The following FAM20C variants were observed in gnomAD, a reference collection of about 807,000 sequenced individuals.
The protein encoded by FAM20C is FAM20C golgi associated secretory pathway kinase, also known as extracellular serine/threonine protein kinase FAM20C.
FAM20C carries 40 observed loss-of-function variants against 51.5 expected under a neutral mutation model. That is an observed-to-expected ratio of 0.78 (90% CI 0.60 to 1.01). FAM20C has a LOEUF of 1.01. Ranked by LOEUF, FAM20C falls within the 50% of genes least tolerant of loss-of-function variation. FAM20C has a pLI of 0.00. For missense variants in FAM20C, 861 were observed against 844.7 expected (o/e 1.02, Z -0.24); for synonymous variants, 406 against 380.6 (o/e 1.07, Z -0.78).
At chr7:228,187 G>T (rs1262438838) in intron 3 of FAM20C, 3 of 326,944 alleles carry the variant, frequency 9.2e-6, no homozygotes, top group Non-Finnish European at 1.8e-5. Context: ...GCCTGGCATG[G>T]TTGTGATGAG....
At chr7:228,081 C>T (rs992063465) in intron 3 of FAM20C, 2 of 237,406 alleles carry the variant, frequency 8.4e-6, no homozygotes, top group Non-Finnish European at 1.7e-5. Context: ...TTTAGCCGCA[C>T]CACAGCGACC....
chr7:258,400 TGCTG>T, intron 8 of FAM20C, among the ~76,000 whole-genome samples: 1 of 109,332 alleles, frequency 9.1e-6, no homozygotes, highest in African/African-American at 3.2e-5. Flanking sequence ...CTGCCCGGGA[TGCTG>T]GAGATGGGTG....
chr7:234,246 C>T (rs1450387438), intron 3 of FAM20C, among the ~76,000 whole-genome samples: 4 of 152,272 alleles, frequency 2.6e-5, no homozygotes, highest in East Asian at 1.9e-4. Context: ...CTCAGTGGGA[C>T]GCTGACCTCA....
Position 193,335 on chromosome 7 carries a change from T to C in FAM20C, c.136T>C (p.Cys46Arg). 7.5e-7 allele frequency: 1 copy of C among 1,337,902 alleles called. No homozygotes were observed. Among genetic ancestry groups the C allele is most frequent in the Non-Finnish European group, 9.6e-7 (1 of 1,037,522 alleles). The allele number at this position is 1,337,902 out of a possible 1,614,324, so 82.9% of individuals were successfully genotyped here. Residue 46 changes from cysteine to arginine, a missense_variant, in exon 1 of 10, where the codon TGT becomes CGT. Physicochemically the swap from Cys to Arg is radical, Grantham distance 180 (BLOSUM62 -3). This residue lies in a region of FAM20C where 561 missense variants were observed against 499.8 expected (regional missense o/e 1.12). Coordinates refer to ENST00000313766, the MANE Select transcript of FAM20C (RefSeq NM_020223.4). ...RGARPSGEPG[C>R]SCAQPAAEVA... is the part of the protein sequence containing the mutation. ...CGCGCGGCCCTCGGGGGAGCCCGGC[T>C]GTTCGTGCGCGCAGCCCGCCGCCGA... is the stretch of plus-strand genomic sequence containing the variant.
At chr7:251,221 G>A (rs1044763251) in intron 5 of FAM20C, among the ~76,000 whole-genome samples, 54 of 144,992 alleles carry the variant, frequency 3.7e-4, no homozygotes, top group African/African-American at 1.3e-3. Flanking sequence ...CTGAGTGGCC[G>A]GGCACGGCGG....
rs531838175 is a variant in FAM20C at position 202,918 on chromosome 7, C to T, written c.785-5980C>T. Among the ~76,000 whole-genome samples, 4 of 152,240 alleles carry T rather than the reference C, an allele frequency of 2.6e-5. No individual in the cohort carries two copies. In the South Asian group the frequency reaches 8.3e-4, roughly 32 times the overall value. On this transcript the variant is annotated intron_variant, in intron 2 of 9. Transcript: ENST00000313766. Reference sequence around the variant, plus strand: ...AGAAGGACTGAACTGACCAGATTTGCATGATATGTTTTTATTGCACTGGGA... The same window carrying T: ...AGAAGGACTGAACTGACCAGATTTGTATGATATGTTTTTATTGCACTGGGA...
intron 3 of FAM20C, chr7:228,220 T>C: frequency 3.1e-6 from 1 of 324,458 alleles, no homozygotes; most frequent in South Asian, 2.6e-5. Flanking sequence ...TCAGAGAAAT[T>C]CTGAGAAAAT....
At chr7:224,147 C>T (rs1210041178) in intron 3 of FAM20C, among the ~76,000 whole-genome samples, 7 of 147,908 alleles carry the variant, frequency 4.7e-5, no homozygotes, top group Admixed American at 2.7e-4. Flanking sequence ...GGTCTCACAG[C>T]GGCTGTCCCC....
In FAM20C at chr7:195,589, C is replaced by T. The variant is rs201436002; in HGVS notation, c.641C>T (p.Ser214Phe). Residue 214 changes from serine to phenylalanine, a missense_variant, in exon 2 of 10, where the codon TCC (serine) becomes TTC (phenylalanine). Ser to Phe is a radical substitution (Grantham distance 155). Transcript: ENST00000313766. ...GGTGCTGAAGGTGCAGAATTCCTCT[C>T]CCCCGGGGAGGCGGCCGTGGACTCC... ...HAGAEGAEFL[S>F]PGEAAVDSYP... 8 of 1,598,078 alleles carry T rather than the reference C, an allele frequency of 5.0e-6. 1 individual carries two copies. The South Asian group carries it at 6.8e-5, about 13-fold the overall frequency.
chr7:259,572 CTGTG>C (rs1233527847), intron 9 of FAM20C, among the ~76,000 whole-genome samples, 155 bp from the exon 10 acceptor site: 1 of 128,050 alleles, frequency 7.8e-6, no homozygotes, highest in African/African-American at 3.1e-5. Flanking sequence ...CTCTCTTTCT[CTGTG>C]TATGTCTCTG....
intron 5 of FAM20C, among the ~76,000 whole-genome samples, chr7:250,710 A>G (rs561904273): frequency 6.6e-6 from 1 of 152,326 alleles, no homozygotes; most frequent in Admixed American, 6.5e-5. Flanking sequence ...CACCGTCCAC[A>G]GGACTGACCG....
chr7:233,109 CTG>C (rs2115122925), intron 3 of FAM20C, among the ~76,000 whole-genome samples: 1 of 152,358 alleles, frequency 6.6e-6, no homozygotes, highest in Admixed American at 6.5e-5. Flanking sequence ...GCAGACGCCT[CTG>C]TCTCCTTCCA....
chr7:218,417 C>T (rs1432064741), intron 3 of FAM20C, among the ~76,000 whole-genome samples: 1 of 152,222 alleles, frequency 6.6e-6, no homozygotes, highest in South Asian at 2.1e-4. Flanking sequence ...CCCGCACTGA[C>T]CCTCGGGTGT....
intron 3 of FAM20C, among the ~76,000 whole-genome samples, chr7:209,359 G>A (rs1489291822): frequency 6.6e-6 from 1 of 152,208 alleles, no homozygotes; most frequent in African/African-American, 2.4e-5. Flanking sequence ...ACAAAGGGCC[G>A]GACGCAGCTA....
rs998333658 is a variant in FAM20C, at chr7:246,144, C to T, written c.864-271C>T. On this transcript the variant is annotated intron_variant, in intron 3 of 9. Transcript: ENST00000313766. ...GGGAGCTGGGACCTCCGGCCTCCGTCGCAAGGGCCTGCGCTGCTCTGAGGG... is the reference window on the plus strand; with the variant it reads ...GGGAGCTGGGACCTCCGGCCTCCGTTGCAAGGGCCTGCGCTGCTCTGAGGG... The T allele has an allele frequency of 1.4e-5, 5 of 348,268 alleles. No individual in the cohort carries two copies. In the East Asian group the frequency reaches 1.6e-4, roughly 11 times the overall value. The allele number at this position is 348,268 out of a possible 1,614,324, so 21.6% of individuals were successfully genotyped here. A position where few individuals can be genotyped will look rare whatever the true frequency, so the allele number is the denominator to read the frequency against.
intron 8 of FAM20C, among the ~76,000 whole-genome samples, chr7:258,339 G>C (rs1215925588): frequency 7.1e-5 from 8 of 112,694 alleles, no homozygotes; most frequent in Admixed American, 1.6e-4. Context: ...GCTGGAGATG[G>C]GCAGGGTGGA....
rs371378091 is a variant in FAM20C at position 249,318 on chromosome 7, A to G, written c.1072+888A>G. Among the ~76,000 whole-genome samples, 3 of 152,374 alleles carry G rather than the reference A, an allele frequency of 2.0e-5. No individual in the cohort carries two copies. The East Asian group carries it at 5.8e-4, about 29-fold the overall frequency. On this transcript the variant is annotated intron_variant, in intron 5 of 9. Transcript: ENST00000313766. ...CCTTGAGGGGATACAGGATGGCCTG[A>G]ACGTTAGGCAGGAATAGATGTCTTT...
rs543187177 is a variant in FAM20C at position 192,992 on chromosome 7, C to A, written c.-208C>A. The A allele has an allele frequency of 9.6e-6, 2 of 209,130 alleles. No homozygotes were observed. The highest frequency in any genetic ancestry group is 1.8e-5 in the Non-Finnish European group (2 of 111,394). The allele number at this position is 209,130 out of a possible 1,614,324, so 13.0% of individuals were successfully genotyped here. On this transcript the variant is annotated 5_prime_UTR_variant, in exon 1 of 10. Coordinates refer to ENST00000313766, the MANE Select transcript of FAM20C (RefSeq NM_020223.4). ...GCGCGGCCGCTCCGGAGAGGCCGAGCGGGGACGGGCCCGAGATGGCGCGGG... is the reference window on the plus strand; with the variant it reads ...GCGCGGCCGCTCCGGAGAGGCCGAGAGGGGACGGGCCCGAGATGGCGCGGG...
chr7:216,672 A>ACT (rs1288343458), intron 3 of FAM20C, among the ~76,000 whole-genome samples: 1 of 104,698 alleles, frequency 9.6e-6, no homozygotes, highest in Non-Finnish European at 2.0e-5. Context: ...TGAGAGACAG[A>ACT]GTGTGTGTGA....
Sources: allele counts gnomAD v4.1 joint callset (sites outside exome capture counted in the v4.1 genomes callset), GRCh38; gene constraint gnomAD v4.1.1; regional missense constraint gnomAD v4.1.1; transcripts MANE v1.5; gene names NCBI Gene and HGNC (gene_info 2026-07-23, HGNC 2026-07-21).